GRM8: variants seen among roughly 807,000 people sequenced by gnomAD.
GRM8 encodes the protein glutamate metabotropic receptor 8, also known as metabotropic glutamate receptor 8.
Under a neutral mutation model 87.2 loss-of-function variants are expected in GRM8, and 47 were observed. The observed-to-expected ratio is 0.54, with a 90% CI of 0.43 to 0.69. The LOEUF is 0.69. Ranked by LOEUF, GRM8 falls within the 30% of genes least tolerant of loss-of-function variation. The pLI is 0.00. For missense variants in GRM8, 1,019 were observed against 1,139.2 expected, an observed-to-expected ratio of 0.89 and a Z score of 1.52; for synonymous variants, 396 against 404.5, an observed-to-expected ratio of 0.98 and a Z score of 0.25.
At chr7:126,945,937 C>T (rs1396040979) in intron 3 of GRM8, among the ~76,000 whole-genome samples, 2 of 152,150 alleles carry the variant, frequency 1.3e-5, no homozygotes, top group African/African-American at 4.8e-5. Context: ...CTTTACTCTG[C>T]CTAATTCTGT....
chr7:127,183,479 G>A (rs1327334447), intron 2 of GRM8, among the ~76,000 whole-genome samples: 1 of 151,716 alleles, frequency 6.6e-6, no homozygotes, highest in Non-Finnish European at 1.5e-5. Context: ...AAGAGAAACT[G>A]AAAATATTCT....
intron 2 of GRM8, among the ~76,000 whole-genome samples, chr7:127,110,657 T>C (rs1056059277): frequency 1.3e-5 from 2 of 152,190 alleles, no homozygotes; most frequent in Non-Finnish European, 2.9e-5. Context: ...CTAACAATTA[T>C]TTTGGTTAGG....
At chr7:126,636,222 A>G (rs1801838374) in intron 7 of GRM8, among the ~76,000 whole-genome samples, 1 of 152,058 alleles carries the variant, frequency 6.6e-6, no homozygotes, top group Admixed American at 6.6e-5. Flanking sequence ...CTTATATAAA[A>G]TACATATTTT....
chr7:126,592,049 C>T (rs1796722041), intron 8 of GRM8, among the ~76,000 whole-genome samples: 1 of 151,138 alleles, frequency 6.6e-6, no homozygotes, highest in Non-Finnish European at 1.5e-5. Flanking sequence ...CAAGACCAGA[C>T]TATTAAAAAA....
At chr7:126,896,302 A>G (rs1416912114) in intron 6 of GRM8, among the ~76,000 whole-genome samples, 2 of 151,974 alleles carry the variant, frequency 1.3e-5, no homozygotes, top group Admixed American at 1.3e-4. Flanking sequence ...TTTACTTGCG[A>G]AGAACAAGAG....
chr7:126,811,337 G>A lies in GRM8; in HGVS notation c.1157-41272C>T, dbSNP rs541929102. On this transcript the variant is annotated intron_variant, in intron 6 of 10. Transcript: ENST00000339582. ...GCTTTGTTCTTTTTGCTTGCTTTGG[G>A]TATTCGGGATTTTTTTTTTCTTTGG... 4.0e-5 allele frequency among the ~76,000 whole-genome samples: 6 copies of A among 151,436 alleles called. No individual in the cohort carries two copies. In the South Asian group the frequency reaches 1.3e-3, roughly 32 times the overall value.
chr7:127,099,485 G>A (rs1825011559), intron 3 of GRM8, among the ~76,000 whole-genome samples: 1 of 152,146 alleles, frequency 6.6e-6, no homozygotes, highest in Non-Finnish European at 1.5e-5. Flanking sequence ...ATCCTACTGG[G>A]AGCTCTACCT....
intron 2 of GRM8, among the ~76,000 whole-genome samples, chr7:127,231,420 T>G (rs776471051): frequency 5.3e-5 from 8 of 152,206 alleles, no homozygotes; most frequent in Non-Finnish European, 1.2e-4. Flanking sequence ...GAAATGAGAA[T>G]TTACTAGGGC....
chr7:127,012,132 ACT>A (rs1814955270), intron 3 of GRM8, among the ~76,000 whole-genome samples: 1 of 152,062 alleles, frequency 6.6e-6, no homozygotes, highest in South Asian at 2.1e-4. Flanking sequence ...TTCTGGGCTA[ACT>A]CTGTTTCCTC....
chr7:126,749,075 A>C (rs892028471), intron 7 of GRM8, among the ~76,000 whole-genome samples: 2 of 152,074 alleles, frequency 1.3e-5, no homozygotes, highest in Admixed American at 1.3e-4. Context: ...GGAGTTCGAG[A>C]CCAGCCTGGC....
rs932384215 is a variant in GRM8 at position 126,861,771 on chromosome 7, G to A, written c.1156+40771C>T. Among the ~76,000 whole-genome samples, 4 of 151,668 alleles carry A rather than the reference G, an allele frequency of 2.6e-5. 1 individual carries two copies. The South Asian group carries it at 8.3e-4, about 32-fold the overall frequency. ...ATTGGTTTTCATTTCTTACTAATTCGTTGGAGTTATAAGCCTGGAACCTAA... is the reference window on the plus strand; with the variant it reads ...ATTGGTTTTCATTTCTTACTAATTCATTGGAGTTATAAGCCTGGAACCTAA... On this transcript the variant is annotated intron_variant, in intron 6 of 10. Coordinates refer to ENST00000339582, the MANE Select transcript of GRM8 (RefSeq NM_000845.3).
At chr7:126,567,017 T>C (rs1794275430) in intron 8 of GRM8, among the ~76,000 whole-genome samples, 2 of 152,124 alleles carry the variant, frequency 1.3e-5, no homozygotes, top group South Asian at 4.1e-4. Context: ...GGTTACCACT[T>C]ATATGAGTCG....
At chr7:126,844,685 G>C (rs1463838321) in intron 6 of GRM8, among the ~76,000 whole-genome samples, 1 of 152,158 alleles carries the variant, frequency 6.6e-6, no homozygotes, top group Non-Finnish European at 1.5e-5. Flanking sequence ...ACCATGGTCA[G>C]GTTCTGGGGA....
chr7:127,013,668 T>C (rs1305088468), intron 3 of GRM8, among the ~76,000 whole-genome samples: 1 of 152,278 alleles, frequency 6.6e-6, no homozygotes, highest in East Asian at 1.9e-4. Context: ...ACAATATTCC[T>C]GAACATTTAA....
intron 3 of GRM8, among the ~76,000 whole-genome samples, chr7:127,062,725 C>G (rs1820732029): frequency 6.6e-6 from 1 of 151,990 alleles, no homozygotes; most frequent in Non-Finnish European, 1.5e-5. Context: ...CATTTTATTC[C>G]TAGATCAGTC....
chr7:126,769,509 A>G (rs1475260092), intron 7 of GRM8, among the ~76,000 whole-genome samples: 1 of 152,112 alleles, frequency 6.6e-6, no homozygotes, highest in Non-Finnish European at 1.5e-5. Flanking sequence ...TCAAAACAAA[A>G]TGTCTACAAT....
chr7:126,991,779 AT>A (rs1223958248), intron 3 of GRM8, among the ~76,000 whole-genome samples: 1 of 152,168 alleles, frequency 6.6e-6, no homozygotes, highest in African/African-American at 2.4e-5. Flanking sequence ...TGTATGGTCT[AT>A]ATTTTTATAT....
chr7:126,526,517 G>GA (rs983477000), intron 9 of GRM8, among the ~76,000 whole-genome samples: 16 of 152,084 alleles, frequency 1.1e-4, no homozygotes, highest in Non-Finnish European at 2.1e-4. Context: ...AATTTCAATT[G>GA]AAAAATACCA....
intron 8 of GRM8, among the ~76,000 whole-genome samples, chr7:126,535,172 C>G (rs1894770): frequency 6.6e-6 from 1 of 152,230 alleles, no homozygotes; most frequent in Non-Finnish European, 1.5e-5. Flanking sequence ...AACCTCACTT[C>G]TGAAAATTGA....
Sources: allele counts gnomAD v4.1 joint callset (sites outside exome capture counted in the v4.1 genomes callset), GRCh38; gene constraint gnomAD v4.1.1; transcripts MANE v1.5; gene names NCBI Gene and HGNC (gene_info 2026-07-23, HGNC 2026-07-21).